REXO5: variants seen among roughly 807,000 people sequenced by gnomAD.
The protein encoded by REXO5 is exonuclease NEF-sp.
In REXO5, 48 loss-of-function variants were observed where a neutral mutation model predicts 88.5. The observed-to-expected ratio is 0.54, with a 90% confidence interval of 0.43 to 0.69. REXO5 has a LOEUF of 0.69. REXO5 is among the 30% of genes least tolerant of loss of function. The probability of loss-of-function intolerance (pLI) is 0.00; values close to 1 mark genes in which losing one functional copy is unlikely to be tolerated. For missense variants in REXO5, 749 were observed against 912.2 expected, an observed-to-expected ratio of 0.82 and a Z score of 2.30; for synonymous variants, 311 against 336.5, an observed-to-expected ratio of 0.92 and a Z score of 0.83.
chr16:20,830,398 G>A (rs1361652122), intron 11 of REXO5, among the ~76,000 whole-genome samples: 2 of 150,584 alleles, frequency 1.3e-5, no homozygotes, highest in Non-Finnish European at 3.0e-5. Flanking sequence ...GTTTCACCAT[G>A]TTGGCCAGGC....
rs922544131 is a variant in REXO5, at chr16:20,806,542, G to A, written c.-166G>A. 3.9e-6 allele frequency: 6 copies of A among 1,520,970 alleles called. No individual in the cohort carries two copies. The highest frequency in any genetic ancestry group is 3.4e-4 in the Middle Eastern group (2 of 5,856). 94.2% of individuals were successfully genotyped at this position (1,520,970 alleles called of 1,614,324 possible). A position where few individuals can be genotyped will look rare whatever the true frequency, so the allele number is the denominator to read the frequency against. On this transcript the variant is annotated 5_prime_UTR_variant, in exon 1 of 20. Coordinates refer to ENST00000261377, the MANE Select transcript of REXO5 (RefSeq NM_030941.3). ...AGGGGCGGTTGTTGTTGGCAGCTGT[G>A]GCTAAGGAGGGGAGAACCTCTGCTC... is the stretch of plus-strand genomic sequence containing the variant.
At position 20,806,674 on chromosome 16, in the gene REXO5, G is replaced by A; in HGVS notation, c.-34G>A. On this transcript the variant is annotated 5_prime_UTR_variant, in exon 1 of 20. Transcript: ENST00000261377. ...TTCCTTCTTTGCCAGGCAGACGCCC[G>A]TTGTAGCCGTTGGGGAACCGTTGAG... 18 of 1,077,222 alleles carry A rather than the reference G, an allele frequency of 1.7e-5. No individual in the cohort carries two copies. The highest frequency in any genetic ancestry group is 3.1e-4 in the Middle Eastern group (1 of 3,190). The allele number at this position is 1,077,222 out of a possible 1,614,324, so 66.7% of individuals were successfully genotyped here. A position where few individuals can be genotyped will look rare whatever the true frequency, so the allele number is the denominator to read the frequency against.
intron 5 of REXO5, among the ~76,000 whole-genome samples, chr16:20,817,577 A>G (rs2081100091): frequency 6.6e-6 from 1 of 152,152 alleles, no homozygotes; most frequent in African/African-American, 2.4e-5. Context: ...CCACGGAGAG[A>G]CAACCTACAG....
intron 3 of REXO5, among the ~76,000 whole-genome samples, chr16:20,814,306 C>T (rs1392260395): frequency 2.0e-5 from 3 of 152,142 alleles, no homozygotes; most frequent in Non-Finnish European, 2.9e-5. Context: ...GCACGATCTC[C>T]GCTCAATGCA....
chr16:20,844,266 A>C (rs2081574148), intron 16 of REXO5, among the ~76,000 whole-genome samples: 1 of 152,046 alleles, frequency 6.6e-6, no homozygotes, highest in Non-Finnish European at 1.5e-5. Context: ...CTTTGTTACT[A>C]CTTAAGTCCC....
intron 3 of REXO5, 46 bp downstream of exon 3, chr16:20,813,348 T>A: frequency 1.3e-5 from 8 of 622,328 alleles, no homozygotes; most frequent in Non-Finnish European, 2.0e-5. Flanking sequence ...CGGTTTCTTT[T>A]TTTTTTTTTT....
At chr16:20,812,367 C>T (rs925601794) in intron 2 of REXO5, among the ~76,000 whole-genome samples, 2 of 151,570 alleles carry the variant, frequency 1.3e-5, no homozygotes, top group African/African-American at 4.8e-5. Context: ...ACCAAAAATA[C>T]AAAAAAAATT....
chr16:20,832,316 T>C (rs2081357620), intron 12 of REXO5, 57 bp downstream of exon 12: 1 of 1,077,146 alleles, frequency 9.3e-7, no homozygotes, highest in African/African-American at 1.6e-5. Flanking sequence ...AGTTTCTTAT[T>C]TAACAACACC....
At chr16:20,835,569 T>C (rs1037412240) in intron 13 of REXO5, among the ~76,000 whole-genome samples, 6 of 152,166 alleles carry the variant, frequency 3.9e-5, no homozygotes, top group South Asian at 2.1e-4. Context: ...TTTATAGATC[T>C]ATCGGTTTCC....
At chr16:20,811,394 T>A (rs1490383039) in intron 2 of REXO5, among the ~76,000 whole-genome samples, 2 of 152,252 alleles carry the variant, frequency 1.3e-5, no homozygotes, top group East Asian at 3.8e-4. Context: ...TAATGTTGTT[T>A]GTAATTTAAA....
At chr16:20,832,721 T>C (rs2081365707) in intron 12 of REXO5, among the ~76,000 whole-genome samples, 1 of 152,150 alleles carries the variant, frequency 6.6e-6, no homozygotes. Flanking sequence ...GAGCTTTGGG[T>C]ATATTTCTTG....
intron 5 of REXO5, among the ~76,000 whole-genome samples, chr16:20,819,045 A>G (rs1299183567): frequency 6.6e-6 from 1 of 152,094 alleles, no homozygotes; most frequent in East Asian, 1.9e-4. Flanking sequence ...CTGTTTCTGC[A>G]TTTGCTGAGA....
Position 20,832,220 on chromosome 16 carries a change from C to CT in REXO5, c.1224dup (p.Lys409Ter). 6.2e-7 allele frequency: 1 copy of CT among 1,611,552 alleles called. No individual in the cohort carries two copies. The highest frequency in any genetic ancestry group is 8.5e-7 in the Non-Finnish European group (1 of 1,178,838). ...GAAATACAAGCAGCAGGCCAAGAGCCTAAAAACACAGCAGAAGTACTTCAG... is the reference window on the plus strand; with the variant it reads ...GAAATACAAGCAGCAGGCCAAGAGCCTTAAAAACACAGCAGAAGTACTTCAG... On this transcript the variant is annotated frameshift_variant, in exon 12 of 20. Coordinates refer to ENST00000261377, the MANE Select transcript of REXO5 (RefSeq NM_030941.3). LOFTEE classifies it high-confidence loss of function.
intron 8 of REXO5, among the ~76,000 whole-genome samples, chr16:20,826,528 TAA>T (rs2081262905): frequency 1.3e-5 from 2 of 152,216 alleles, no homozygotes; most frequent in African/African-American, 2.4e-5. Flanking sequence ...ATGATAGTGA[TAA>T]ATACTGTCCT....
chr16:20,811,860 A>AT (rs576564990), intron 2 of REXO5, among the ~76,000 whole-genome samples: 1 of 152,204 alleles, frequency 6.6e-6, no homozygotes, highest in Non-Finnish European at 1.5e-5. Context: ...TACTTGAACT[A>AT]TTTCATTGGT....
chr16:20,840,407 A>G lies in REXO5; in HGVS notation c.1565A>G (p.Lys522Arg). The change falls in exon 15 of 20, where the codon AAG becomes AGG. Residue 522 changes from lysine (K) to arginine (R), a missense_variant. Physicochemically the swap from Lys to Arg is conservative, Grantham distance 26 (BLOSUM62 2). Transcript: ENST00000261377. ...AAAAATTGCAATCTCAGGGCTCTGAAGAGGCTGTTTAAAAGCTTTGGCCCA... is the reference window on the plus strand; with the variant it reads ...AAAAATTGCAATCTCAGGGCTCTGAGGAGGCTGTTTAAAAGCTTTGGCCCA... ...FSKNCNLRAL[K>R]RLFKSFGPVQ... The G allele has an allele frequency of 2.5e-6, 4 of 1,584,662 alleles. No homozygotes were observed. Among genetic ancestry groups the G allele is most frequent in the Non-Finnish European group, 3.5e-6 (4 of 1,158,290 alleles).
Position 20,827,376 on chromosome 16 carries a change from T to G in REXO5, c.984T>G (p.Asp328Glu). The change falls in exon 10 of 20, where the codon GAT becomes GAG. Residue 328 changes from aspartate (D) to glutamate (E), a missense_variant. Transcript: ENST00000261377. ...ALKMIHPYVI[D>E]TSLLYVREQG... ...AGATGATACATCCATATGTTATTGA[T>G]ACATCGTTGCTTTATGTCAGAGAGC... 6.2e-7 allele frequency: 1 copy of G among 1,613,444 alleles called. No individual in the cohort carries two copies. The highest frequency in any genetic ancestry group is 1.1e-5 in the South Asian group (1 of 91,016).
At chr16:20,821,292 G>T (rs550169766) in intron 5 of REXO5, among the ~76,000 whole-genome samples, 44 of 143,728 alleles carry the variant, frequency 3.1e-4, no homozygotes, top group African/African-American at 1.1e-3. Context: ...TGTTTTTTTT[G>T]TTTGTTTGTT....
intron 6 of REXO5, 64 bp from the exon 7 acceptor site, chr16:20,824,375 A>C: frequency 1.1e-6 from 1 of 895,814 alleles, no homozygotes; most frequent in Admixed American, 2.1e-5. Context: ...TACCTGCTTG[A>C]ATCTAAGAGT....
Sources: gnomAD v4.1 joint callset for allele counts (sites outside exome capture counted in the v4.1 genomes callset) on GRCh38, gnomAD v4.1.1 for gene constraint, MANE v1.5 for transcripts, NCBI Gene and HGNC (gene_info 2026-07-23, HGNC 2026-07-21) for gene names.